The following KIF21A variants were observed in gnomAD, a reference collection of about 807,000 sequenced individuals.
KIF21A encodes kinesin-like protein KIF21A.
In KIF21A, 114 loss-of-function variants were observed where a neutral mutation model predicts 202.9. That is an observed-to-expected ratio of 0.56 (90% confidence interval 0.48 to 0.66). The LOEUF is 0.66. Ranked by LOEUF, KIF21A falls within the 30% of genes least tolerant of loss-of-function variation. KIF21A has a pLI of 0.00. For missense variants in KIF21A, 1,677 were observed against 1,994.9 expected, an observed-to-expected ratio of 0.84 and a Z score of 3.04; for synonymous variants, 667 against 670.8, an observed-to-expected ratio of 0.99 and a Z score of 0.09.
At chr12:39,429,360 G>A (rs963423596) in intron 1 of KIF21A, among the ~76,000 whole-genome samples, 2 of 152,114 alleles carry the variant, frequency 1.3e-5, no homozygotes, top group African/African-American at 4.8e-5. Context: ...GATAATTCAA[G>A]ATATCCATTC....
At chr12:39,421,376 A>G (rs1050296995) in intron 1 of KIF21A, among the ~76,000 whole-genome samples, 1 of 152,210 alleles carries the variant, frequency 6.6e-6, no homozygotes, top group African/African-American at 2.4e-5. Flanking sequence ...ACATGACTGT[A>G]ATATAAGATT....
intron 29 of KIF21A, among the ~76,000 whole-genome samples, chr12:39,317,638 T>A (rs1426389808): frequency 6.6e-6 from 1 of 152,196 alleles, no homozygotes; most frequent in Admixed American, 6.5e-5. Flanking sequence ...CAAAAACGTG[T>A]TGCACTTGTA....
chr12:39,423,056 T>C (rs546679727), intron 1 of KIF21A, among the ~76,000 whole-genome samples: 11 of 152,346 alleles, frequency 7.2e-5, no homozygotes, highest in South Asian at 4.1e-4. Context: ...AGTTAATATG[T>C]GTTTAGAGTT....
intron 31 of KIF21A, among the ~76,000 whole-genome samples, chr12:39,314,728 T>C (rs928294820): frequency 2.6e-5 from 4 of 151,880 alleles, no homozygotes; most frequent in African/African-American, 9.7e-5. Flanking sequence ...TGATGTAATA[T>C]TCAACACAAT....
chr12:39,415,666 T>C (rs1156964296), intron 1 of KIF21A, among the ~76,000 whole-genome samples: 1 of 152,196 alleles, frequency 6.6e-6, no homozygotes, highest in African/African-American at 2.4e-5. Flanking sequence ...AAAAGACACT[T>C]TATTAGTGTC....
At position 39,383,405 on chromosome 12, in the gene KIF21A, T is replaced by C. The variant is rs572120457; in HGVS notation, c.45-13144A>G. 3.4e-3 allele frequency among the ~76,000 whole-genome samples: 513 copies of C among 152,360 alleles called. 3 individuals are homozygous for C. Among genetic ancestry groups the C allele is most frequent in the Non-Finnish European group, 5.5e-3 (372 of 68,026 alleles). ...TCTGTAAGTAGATTATAAAGGTTCC[T>C]GCTATATCAACAAATGATATCCTAA... On this transcript the variant is annotated intron_variant, in intron 1 of 37. Coordinates refer to ENST00000361418, the MANE Select transcript of KIF21A (RefSeq NM_001173464.2).
intron 1 of KIF21A, among the ~76,000 whole-genome samples, chr12:39,418,175 C>T (rs1295984313): frequency 1.5e-5 from 2 of 131,710 alleles, no homozygotes; most frequent in African/African-American, 5.7e-5. Context: ...GCCTGGGTGA[C>T]AAAACAAGAC....
chr12:39,406,413 A>C (rs1381920637), intron 1 of KIF21A, among the ~76,000 whole-genome samples: 1 of 152,200 alleles, frequency 6.6e-6, no homozygotes, highest in East Asian at 1.9e-4. Context: ...AAAAGAAAGC[A>C]CAGTACTGGA....
At chr12:39,321,758 T>G (rs1405226724) in intron 27 of KIF21A, 1 of 152,238 alleles carries the variant, frequency 6.6e-6, no homozygotes, top group African/African-American at 2.4e-5. Flanking sequence ...GATCATATAG[T>G]GTGTGCCACT....
At chr12:39,371,908 G>A (rs113089202) in intron 1 of KIF21A, among the ~76,000 whole-genome samples, 460 of 150,084 alleles carry the variant, frequency 3.1e-3, no homozygotes, top group Middle Eastern at 6.8e-3. Context: ...CAGCCTGGGC[G>A]ACAGAGTAAG....
intron 1 of KIF21A, among the ~76,000 whole-genome samples, chr12:39,381,396 A>G (rs1449682895): frequency 1.3e-5 from 2 of 152,142 alleles, no homozygotes; most frequent in South Asian, 2.1e-4. Flanking sequence ...TCCCAGAGGT[A>G]TATTATTTTT....
At chr12:39,428,162 T>C (rs1225033958) in intron 1 of KIF21A, among the ~76,000 whole-genome samples, 2 of 152,200 alleles carry the variant, frequency 1.3e-5, no homozygotes, top group Non-Finnish European at 2.9e-5. Flanking sequence ...AGACAGCAAA[T>C]AGGGCTTTCT....
At chr12:39,366,612 C>T in intron 5 of KIF21A, 95 bp from the exon 6 acceptor site, 1 of 887,060 alleles carries the variant, frequency 1.1e-6, no homozygotes, top group African/African-American at 1.7e-5. Flanking sequence ...CACATATAGG[C>T]ACAACCAAAG....
intron 32 of KIF21A, among the ~76,000 whole-genome samples, chr12:39,310,409 C>T (rs1318626888): frequency 6.6e-6 from 1 of 151,912 alleles, no homozygotes; most frequent in Non-Finnish European, 1.5e-5. Context: ...TCTTATACTT[C>T]CCTCACAGAC....
At chr12:39,435,881 T>G (rs183074141) in intron 1 of KIF21A, among the ~76,000 whole-genome samples, 57 of 152,358 alleles carry the variant, frequency 3.7e-4, no homozygotes, top group Admixed American at 1.4e-3. Context: ...TTTCTGTGGT[T>G]GTTGTGAAAG....
rs977520616 is a variant in KIF21A, at chr12:39,442,196, G to C, written c.44+731C>G. ...TTACATTGTATCCACCCTGCCTAAT[G>C]TCAGTATGTTTCACACAGTCACCCA... On this transcript the variant is annotated intron_variant, in intron 1 of 37. Coordinates refer to ENST00000361418, the MANE Select transcript of KIF21A (RefSeq NM_001173464.2). The surrounding 1 kb of genome is among the most constrained non-coding windows in gnomAD (Gnocchi z 5.0). 1.3e-5 allele frequency among the ~76,000 whole-genome samples: 2 copies of C among 152,084 alleles called. No homozygotes were observed. Among genetic ancestry groups the C allele is most frequent in the Non-Finnish European group, 2.9e-5 (2 of 68,012 alleles).
intron 1 of KIF21A, among the ~76,000 whole-genome samples, chr12:39,415,885 T>C (rs1389471189): frequency 6.6e-6 from 1 of 152,214 alleles, no homozygotes; most frequent in Non-Finnish European, 1.5e-5. Context: ...AGACAGCTCT[T>C]CCTCTAAATA....
intron 1 of KIF21A, among the ~76,000 whole-genome samples, chr12:39,441,680 A>AAAAAAAAAAAAAAAAAAAAAAC (rs71075060): frequency 6.7e-6 from 1 of 148,178 alleles, no homozygotes; most frequent in Non-Finnish European, 1.5e-5. Context: ...AAAAAAAAAA[A>AAAAAAAAAAAAAAAAAAAAAAC]CACTTAAAAA....
chr12:39,421,846 AT>A (rs1209807876), intron 1 of KIF21A, among the ~76,000 whole-genome samples: 4 of 146,494 alleles, frequency 2.7e-5, no homozygotes, highest in East Asian at 3.9e-4. Context: ...ATAATTACAT[AT>A]ATAATTTATA....
Sources: gnomAD v4.1 joint callset for allele counts (sites outside exome capture counted in the v4.1 genomes callset) on GRCh38, gnomAD v4.1.1 for gene constraint, Gnocchi (gnomAD v3.1) non-coding constraint, MANE v1.5 for transcripts, NCBI Gene and HGNC (gene_info 2026-07-23, HGNC 2026-07-21) for gene names.